Variants in TRPM2 observed in about 807,000 individuals in gnomAD.
TRPM2 encodes the protein estrogen-responsive element-associated gene 1 protein.
In TRPM2, 161 loss-of-function variants were observed where a neutral mutation model predicts 174.0. The ratio of observed to expected loss-of-function variants is 0.93; its 90% CI spans 0.81 to 1.05. The LOEUF (loss-of-function observed/expected upper bound fraction) is 1.05. TRPM2 is among the 50% of genes least tolerant of loss of function. The pLI is 0.00. For missense variants in TRPM2, 2,057 were observed against 2,038.0 expected (o/e 1.01, Z -0.18); for synonymous variants, 954 against 861.3 (o/e 1.11, Z -1.88).
At chr21:44,414,221 T>C in intron 20 of TRPM2, 147 bp downstream of exon 20, 1 of 1,071,118 alleles carries the variant, frequency 9.3e-7, no homozygotes, top group Non-Finnish European at 1.4e-6. Context: ...TGGTGGAGTG[T>C]GCACAGCCAC....
intron 2 of TRPM2, among the ~76,000 whole-genome samples, chr21:44,363,874 C>T (rs1005040088): frequency 6.6e-6 from 1 of 152,184 alleles, no homozygotes; most frequent in Admixed American, 6.5e-5. Context: ...TCTAAGCCCC[C>T]CTGTAGCCTC....
chr21:44,427,186 A>G, intron 27 of TRPM2, 75 bp downstream of exon 27: 1 of 1,270,054 alleles, frequency 7.9e-7, no homozygotes. Flanking sequence ...CTCTCTGGGC[A>G]AAGGAAGCAT....
intron 16 of TRPM2, among the ~76,000 whole-genome samples, chr21:44,403,960 A>G (rs1210919003): frequency 1.4e-5 from 1 of 72,384 alleles, no homozygotes; most frequent in African/African-American, 3.9e-5. Flanking sequence ...ATGCACACAT[A>G]CATACACACA....
chr21:44,405,061 G>T, intron 16 of TRPM2, 81 bp from the exon 17 acceptor site: 1 of 1,584,300 alleles, frequency 6.3e-7, no homozygotes. Context: ...GATGATGATA[G>T]TGGATAGTGA....
chr21:44,392,155 G>T (rs549374326), intron 11 of TRPM2, among the ~76,000 whole-genome samples: 1 of 151,410 alleles, frequency 6.6e-6, no homozygotes, highest in Admixed American at 6.6e-5. Flanking sequence ...TGTAGAGATG[G>T]TTTTGCTATT....
At position 44,425,765 on chromosome 21, in the gene TRPM2, C is replaced by T. The variant is rs1421844618; in HGVS notation, c.3733C>T (p.Leu1245Phe). The T allele has an allele frequency of 1.9e-6, 3 of 1,596,150 alleles. No individual in the cohort carries two copies. Among genetic ancestry groups the T allele is most frequent in the Non-Finnish European group, 2.6e-6 (3 of 1,169,074 alleles). Residue 1245 changes from leucine (L) to phenylalanine (F), a missense_variant, in exon 25 of 32, where the codon CTC becomes TTC. Leu to Phe is a conservative substitution (Grantham distance 22, BLOSUM62 0). Coordinates refer to ENST00000397928, the MANE Select transcript of TRPM2 (RefSeq NM_003307.4). ...CAGCTACCACGTGAATGCCCGGCAC[C>T]TCCTCTACCCCAACTGCCCTGTCAC... ...GDSYHVNARH[L>F]LYPNCPVTRF...
At chr21:44,440,304 C>CCAGCCTGGGG (rs1555907335) in intron 30 of TRPM2, among the ~76,000 whole-genome samples, 5,143 of 39,820 alleles carry the variant, frequency 0.13, 451 homozygotes, top group African/African-American at 0.32. Context: ...CCACTGCGCT[C>CCAGCCTGGGG]AAAAAAAAAA....
intron 19 of TRPM2, 111 bp downstream of exon 19, chr21:44,406,876 G>T: frequency 2.2e-6 from 3 of 1,364,396 alleles, no homozygotes; most frequent in Non-Finnish European, 3.0e-6. Context: ...GGGGTCCTGC[G>T]GTTCCCACCT....
At chr21:44,371,778 C>T (rs906803244) in intron 5 of TRPM2, among the ~76,000 whole-genome samples, 26 of 152,196 alleles carry the variant, frequency 1.7e-4, no homozygotes, top group Admixed American at 1.4e-3. Flanking sequence ...CAGCCAACTG[C>T]GGTCCTCCCT....
rs1051660737 is a variant in TRPM2, at chr21:44,425,617, G to A, written c.3638-53G>A. On this transcript the variant is annotated intron_variant, in intron 24 of 31. Transcript: ENST00000397928. Reference sequence around the variant, plus strand: ...CAGAGGAAGTCCTTGTCCTGCGGGCGGGCACCTGAGCCCGGGCTCCGCCTT... The same window carrying A: ...CAGAGGAAGTCCTTGTCCTGCGGGCAGGCACCTGAGCCCGGGCTCCGCCTT... 1.3e-5 allele frequency: 18 copies of A among 1,435,172 alleles called. No individual in the cohort carries two copies. The Admixed American group carries it at 2.9e-4, about 23-fold the overall frequency. The allele number at this position is 1,435,172 out of a possible 1,614,324, so 88.9% of individuals were successfully genotyped here.
chr21:44,405,450 A>G (rs2146296327), intron 17 of TRPM2, among the ~76,000 whole-genome samples, 190 bp downstream of exon 17: 1 of 152,282 alleles, frequency 6.6e-6, no homozygotes, highest in Non-Finnish European at 1.5e-5. Context: ...GAGGGAGCAC[A>G]GAAGGGGCAT....
At chr21:44,373,607 CATTATATGCGACCT>C in intron 5 of TRPM2, among the ~76,000 whole-genome samples, 1 of 143,280 alleles carries the variant, frequency 7.0e-6, no homozygotes, top group East Asian at 2.1e-4. Context: ...ATGCGACCTG[CATTATATGCGACCT>C]GCATTATATG....
At chr21:44,404,602 A>ATGATAGTGATGATAG (rs971979496) in intron 16 of TRPM2, among the ~76,000 whole-genome samples, 3 of 151,192 alleles carry the variant, frequency 2.0e-5, no homozygotes, top group East Asian at 1.9e-4. Context: ...GCTGACCGTG[A>ATGATAGTGATGATAG]TGATAGTGAT....
chr21:44,388,320 A>G (rs1297784780), intron 9 of TRPM2, among the ~76,000 whole-genome samples: 2 of 152,200 alleles, frequency 1.3e-5, no homozygotes, highest in Non-Finnish European at 2.9e-5. Context: ...GACAAATACT[A>G]TATGATTCCA....
intron 29 of TRPM2, among the ~76,000 whole-genome samples, chr21:44,437,896 T>A (rs976372236): frequency 1.3e-5 from 2 of 152,230 alleles, no homozygotes; most frequent in African/African-American, 4.8e-5. Context: ...CCGTGGCGCA[T>A]GGCCTCTGGG....
intron 2 of TRPM2, among the ~76,000 whole-genome samples, chr21:44,361,761 A>G (rs4818715): frequency 0.26 from 39,297 of 151,936 alleles, 5,731 homozygotes; most frequent in African/African-American, 0.41. Flanking sequence ...AGGCTGGAGT[A>G]CAGTGGCACG....
In TRPM2 at chr21:44,366,217, G is replaced by A. The variant is rs1255712853; in HGVS notation, c.424-537G>A. Among the ~76,000 whole-genome samples the A allele has an allele frequency of 1.3e-5, 2 of 151,706 alleles. No homozygotes were observed. Among genetic ancestry groups the A allele is most frequent in the Admixed American group, 6.6e-5 (1 of 15,256 alleles). On this transcript the variant is annotated intron_variant, in intron 3 of 31. Coordinates refer to ENST00000397928, the MANE Select transcript of TRPM2 (RefSeq NM_003307.4). The surrounding 1 kb of genome is among the most constrained non-coding windows in gnomAD (Gnocchi z 6.0). ...GCTGGGCCCACTGAGTCCCCAGGAC[G>A]GGCCAGGGCACAGGGGCCACAGAGC...
rs1033019959 is a variant in TRPM2, at chr21:44,432,875, G to A, written c.3975-2256G>A. The stretch of plus-strand genomic sequence containing the variant: ...GACTGTCGCTGTTTTTGCGCTTTGG[G>A]GTTGTGTGCGTAGGTTTATGGACGG... On this transcript the variant is annotated intron_variant, in intron 27 of 31. Coordinates refer to ENST00000397928, the MANE Select transcript of TRPM2 (RefSeq NM_003307.4). This position sits in a 1 kb window ranked among gnomAD's most constrained non-coding sequence, Gnocchi z 4.9. 2.0e-5 allele frequency among the ~76,000 whole-genome samples: 3 copies of A among 152,190 alleles called. No individual in the cohort carries two copies. Among genetic ancestry groups the A allele is most frequent in the Non-Finnish European group, 4.4e-5 (3 of 68,032 alleles).
intron 19 of TRPM2, among the ~76,000 whole-genome samples, chr21:44,407,705 G>T (rs2049953813): frequency 6.6e-6 from 1 of 151,510 alleles, no homozygotes; most frequent in African/African-American, 2.4e-5. Context: ...GCAGTCTTTG[G>T]TGTCTGACTT....
Sources: gnomAD v4.1 joint callset for allele counts (sites outside exome capture counted in the v4.1 genomes callset) on GRCh38, gnomAD v4.1.1 for gene constraint, Gnocchi (gnomAD v3.1) non-coding constraint, MANE v1.5 for transcripts, NCBI Gene and HGNC (gene_info 2026-07-23, HGNC 2026-07-21) for gene names.